GALNT3: variants seen among roughly 807,000 people sequenced by gnomAD.
The protein encoded by GALNT3 is polypeptide N-acetylgalactosaminyltransferase 3, also known as GalNAc transferase 3.
GALNT3 carries 51 observed loss-of-function variants against 69.8 expected under a neutral mutation model. The ratio of observed to expected loss-of-function variants is 0.73; its 90% CI spans 0.58 to 0.92. The LOEUF (loss-of-function observed/expected upper bound fraction) is 0.92. Ranked by LOEUF, GALNT3 falls within the 40% of genes least tolerant of loss-of-function variation. GALNT3 has a pLI of 0.00. For synonymous variants in GALNT3, 265 were observed against 248.5 expected (o/e 1.07, Z -0.63); for missense variants, 711 against 760.0 (o/e 0.94, Z 0.76).
Position 165,759,317 on chromosome 2 carries a change from C to T in GALNT3, c.1073+19G>A. ...TGGTATAGGGTGTAAATATAAGACT[C>T]TGAGAGCAATCATCTTACTTAATTG... On this transcript the variant is annotated intron_variant, in intron 5 of 10. Coordinates refer to ENST00000392701, the MANE Select transcript of GALNT3 (RefSeq NM_004482.4). 6.3e-7 allele frequency: 1 copy of T among 1,585,946 alleles called. No individual in the cohort carries two copies. The highest frequency in any genetic ancestry group is 8.6e-7 in the Non-Finnish European group (1 of 1,156,108).
intron 1 of GALNT3, among the ~76,000 whole-genome samples, chr2:165,787,352 T>C (rs1243579589): frequency 6.6e-6 from 1 of 152,150 alleles, no homozygotes; most frequent in African/African-American, 2.4e-5. Flanking sequence ...CAATGATGAG[T>C]GTGCTATATG....
chr2:165,761,206 C>CTCAT (rs777219215), intron 4 of GALNT3, among the ~76,000 whole-genome samples: 397 of 152,016 alleles, frequency 2.6e-3, no homozygotes, highest in Admixed American at 4.0e-3. Flanking sequence ...TATTCACTCA[C>CTCAT]TCATTCATTC....
Position 165,748,515 on chromosome 2 carries a change from A to C in GALNT3, c.*266T>G. ...ACACACAAACATCACTTTACTTGGA[A>C]AATTATTTTCATCATACTGTAAACA... On this transcript the variant is annotated 3_prime_UTR_variant, in exon 11 of 11. Transcript: ENST00000392701. 1 of 454,882 alleles carries C rather than the reference A, an allele frequency of 2.2e-6. No individual in the cohort carries two copies. The highest frequency in any genetic ancestry group is 4.0e-6 in the Non-Finnish European group (1 of 250,028). 28.2% of individuals were successfully genotyped at this position (454,882 alleles called of 1,614,324 possible).
intron 1 of GALNT3, among the ~76,000 whole-genome samples, chr2:165,785,773 C>T (rs1166619060): frequency 2.6e-5 from 4 of 152,054 alleles, no homozygotes; most frequent in East Asian, 3.9e-4. Context: ...CGGAACAGGC[C>T]TAGAGAGCAA....
At chr2:165,769,109 A>G (rs951852083) in intron 2 of GALNT3, among the ~76,000 whole-genome samples, 1 of 149,250 alleles carries the variant, frequency 6.7e-6, no homozygotes, top group Non-Finnish European at 1.5e-5. Flanking sequence ...TTGTACACTT[A>G]AAAACTTACT....
At position 165,759,417 on chromosome 2, in the gene GALNT3, A is replaced by C; in HGVS notation, c.992T>G (p.Phe331Cys). 1 of 1,614,078 alleles carries C rather than the reference A, an allele frequency of 6.2e-7. No homozygotes were observed. Among genetic ancestry groups the C allele is most frequent in the Non-Finnish European group, 8.5e-7 (1 of 1,179,988 alleles). ...CCAGCCAAATGAAAGACTCCAGTCA[A>C]AATTTCCACGGTTATGGTTACTTCC... ...PYGSNHNRGN[F>C]DWSLSFGWES... The change falls in exon 5 of 11, where the codon TTT (phenylalanine) becomes TGT (cysteine). Residue 331 changes from phenylalanine to cysteine, a missense_variant. Transcript: ENST00000392701.
At position 165,759,364 on chromosome 2, in the gene GALNT3, T is replaced by G. The variant is rs767143043; in HGVS notation, c.1045A>C (p.Arg349=). ...WESLPDHEKQ[R]RKDETYPIKT... ...ATTGGGTAGGTTTCATCTTTCCTTCTTTGCTTCTCATGATCAGGAAGCGAC... is the reference window on the plus strand; with the variant it reads ...ATTGGGTAGGTTTCATCTTTCCTTCGTTGCTTCTCATGATCAGGAAGCGAC... Residue 349 remains arginine, a synonymous_variant, in exon 5 of 11, where the codon AGA becomes CGA. Coordinates refer to ENST00000392701, the MANE Select transcript of GALNT3 (RefSeq NM_004482.4). 6.2e-7 allele frequency: 1 copy of G among 1,613,944 alleles called. No homozygotes were observed. The highest frequency in any genetic ancestry group is 8.5e-7 in the Non-Finnish European group (1 of 1,179,944).
At chr2:165,762,139 T>C in intron 3 of GALNT3, 85 bp from the exon 4 acceptor site, 2 of 1,001,020 alleles carry the variant, frequency 2.0e-6, no homozygotes, top group South Asian at 1.4e-5. Context: ...CACAGAGCAA[T>C]GATCCTTCCA....
chr2:165,776,242 T>C (rs1301796877), intron 1 of GALNT3, among the ~76,000 whole-genome samples: 3 of 152,134 alleles, frequency 2.0e-5, no homozygotes, highest in African/African-American at 7.2e-5. Context: ...ACCTGCCAAA[T>C]TGGAAGCCCT....
intron 1 of GALNT3, among the ~76,000 whole-genome samples, chr2:165,774,814 T>C (rs1688815597): frequency 6.6e-6 from 1 of 151,938 alleles, no homozygotes; most frequent in South Asian, 2.1e-4. Context: ...ACTTAACTTG[T>C]GTTAAATGTT....
Position 165,754,974 on chromosome 2 carries a change from T to C in GALNT3, c.1482A>G (p.Pro494=). The part of the protein sequence containing the change: ...NFTWYLNNIY[P]EVYVPDLNPV... ...GATTAAGGTCTGGCACATACACCTC[T>C]GGATAAATGTTGTTCAGATACCATG... Residue 494 remains proline (P), a synonymous_variant, in exon 8 of 11, where the codon CCA becomes CCG. Transcript: ENST00000392701. 6.2e-7 allele frequency: 1 copy of C among 1,613,380 alleles called. No homozygotes were observed. Among genetic ancestry groups the C allele is most frequent in the Non-Finnish European group, 8.5e-7 (1 of 1,179,488 alleles).
chr2:165,756,188 C>G (rs1049043107), intron 7 of GALNT3, among the ~76,000 whole-genome samples: 2 of 152,042 alleles, frequency 1.3e-5, no homozygotes, highest in African/African-American at 4.8e-5. Context: ...AATATTGATA[C>G]CCTTGACTCC....
chr2:165,793,028 A>C (rs1411819301), intron 1 of GALNT3, among the ~76,000 whole-genome samples: 1 of 152,150 alleles, frequency 6.6e-6, no homozygotes, highest in African/African-American at 2.4e-5. Flanking sequence ...AATATTGGTA[A>C]CTCGATGGGG....
chr2:165,756,275 G>A (rs1044862805), intron 7 of GALNT3, among the ~76,000 whole-genome samples: 3 of 152,068 alleles, frequency 2.0e-5, no homozygotes, highest in Admixed American at 6.6e-5. Flanking sequence ...ACTATACACT[G>A]AAGCATGGTC....
At chr2:165,783,946 C>T (rs557234106) in intron 1 of GALNT3, among the ~76,000 whole-genome samples, 10 of 152,162 alleles carry the variant, frequency 6.6e-5, no homozygotes, top group African/African-American at 1.9e-4. Context: ...TAATTTGAAG[C>T]GAACAATATC....
At chr2:165,787,092 G>A (rs547483248) in intron 1 of GALNT3, among the ~76,000 whole-genome samples, 2 of 152,154 alleles carry the variant, frequency 1.3e-5, no homozygotes, top group Non-Finnish European at 2.9e-5. Context: ...TACTAAATAG[G>A]ACTTTATTTC....
At chr2:165,768,093 C>T (rs1009093081) in intron 2 of GALNT3, among the ~76,000 whole-genome samples, 1 of 152,056 alleles carries the variant, frequency 6.6e-6, no homozygotes, top group African/African-American at 2.4e-5. Context: ...AGGCCAGGCA[C>T]AGTAGCTCAT....
chr2:165,761,127 AC>A (rs1287541212), intron 4 of GALNT3, among the ~76,000 whole-genome samples: 1 of 129,946 alleles, frequency 7.7e-6, no homozygotes, highest in African/African-American at 3.2e-5. Flanking sequence ...AAAAAAAAAA[AC>A]ACACACACAA....
intron 2 of GALNT3, among the ~76,000 whole-genome samples, chr2:165,768,022 C>T (rs1688676822): frequency 6.6e-6 from 1 of 152,014 alleles, no homozygotes; most frequent in African/African-American, 2.4e-5. Flanking sequence ...TACAGGCGCA[C>T]ATCACCATGC....
Sources: allele counts gnomAD v4.1 joint callset (sites outside exome capture counted in the v4.1 genomes callset), GRCh38; gene constraint gnomAD v4.1.1; transcripts MANE v1.5; gene names NCBI Gene and HGNC (gene_info 2026-07-23, HGNC 2026-07-21).